RALA: variants seen among roughly 807,000 people sequenced by gnomAD.
RALA encodes RAS like proto-oncogene A, also known as ras-related protein Ral-A.
RALA carries 5 observed loss-of-function variants against 24.0 expected under a neutral mutation model. That is an observed-to-expected ratio of 0.21 (90% CI 0.11 to 0.44). The LOEUF (loss-of-function observed/expected upper bound fraction) is 0.44, where lower values mean the gene tolerates loss of function less well. Among genes scored for constraint, RALA ranks in the 20% least tolerant of loss-of-function variants. The pLI is 0.99. For missense variants in RALA, 95 were observed against 241.2 expected, an observed-to-expected ratio of 0.39 and a Z score of 4.01; for synonymous variants, 77 against 83.8, an observed-to-expected ratio of 0.92 and a Z score of 0.44.
chr7:39,652,170 A>G (rs1406683592), intron 1 of RALA, among the ~76,000 whole-genome samples: 1 of 152,176 alleles, frequency 6.6e-6, no homozygotes, highest in Non-Finnish European at 1.5e-5. Context: ...GAGAGGGTGA[A>G]AGGGCAAGGT....
chr7:39,654,100 T>G (rs1490577009), intron 1 of RALA, among the ~76,000 whole-genome samples: 1 of 152,212 alleles, frequency 6.6e-6, no homozygotes, highest in Admixed American at 6.5e-5. Flanking sequence ...GGGTTCTATT[T>G]GAACAACTTT....
intron 1 of RALA, among the ~76,000 whole-genome samples, chr7:39,684,083 T>C (rs986109359): frequency 6.6e-6 from 1 of 152,224 alleles, no homozygotes; most frequent in Non-Finnish European, 1.5e-5. Context: ...TTTCAGACTT[T>C]TAGTTACCTG....
chr7:39,672,608 T>G (rs957396259), intron 1 of RALA, among the ~76,000 whole-genome samples: 1 of 136,744 alleles, frequency 7.3e-6, no homozygotes, highest in African/African-American at 2.8e-5. Flanking sequence ...GGAAATAACA[T>G]AAATCATGAT....
At chr7:39,624,727 A>G (rs1200942010) in intron 1 of RALA, among the ~76,000 whole-genome samples, 1 of 152,186 alleles carries the variant, frequency 6.6e-6, no homozygotes, top group African/African-American at 2.4e-5. Flanking sequence ...CCTACGTGTC[A>G]AGCTGAAAAG....
At chr7:39,634,230 C>G (rs1172239586) in intron 1 of RALA, among the ~76,000 whole-genome samples, 1 of 152,100 alleles carries the variant, frequency 6.6e-6, no homozygotes, top group Non-Finnish European at 1.5e-5. Flanking sequence ...GGAGCCCTCA[C>G]TCACCTTGGT....
intron 1 of RALA, among the ~76,000 whole-genome samples, chr7:39,685,138 A>G (rs1792676005): frequency 6.6e-6 from 1 of 152,238 alleles, no homozygotes; most frequent in African/African-American, 2.4e-5. Flanking sequence ...TTATGAAGGA[A>G]AAGTATCAGA....
chr7:39,681,507 C>T (rs984038771), intron 1 of RALA, among the ~76,000 whole-genome samples: 2 of 151,716 alleles, frequency 1.3e-5, no homozygotes, highest in Non-Finnish European at 2.9e-5. Context: ...TGAAATGACT[C>T]TTCCCAAGAT....
At chr7:39,627,417 A>G (rs955386190) in intron 1 of RALA, among the ~76,000 whole-genome samples, 6 of 152,202 alleles carry the variant, frequency 3.9e-5, no homozygotes, top group African/African-American at 1.4e-4. Context: ...CTAGGGTCCT[A>G]TATTAGATGC....
chr7:39,661,400 C>T (rs1792188006), intron 1 of RALA, among the ~76,000 whole-genome samples: 1 of 152,234 alleles, frequency 6.6e-6, no homozygotes, highest in African/African-American at 2.4e-5. Flanking sequence ...CAAGGCAAGT[C>T]CCTTCAGCCT....
intron 1 of RALA, among the ~76,000 whole-genome samples, chr7:39,650,490 A>T (rs1792001865): frequency 6.6e-6 from 1 of 152,174 alleles, no homozygotes; most frequent in Non-Finnish European, 1.5e-5. Context: ...AGAAATAGGT[A>T]TCAAATCTAG....
At chr7:39,671,154 GTTC>G (rs1792376103) in intron 1 of RALA, among the ~76,000 whole-genome samples, 1 of 151,812 alleles carries the variant, frequency 6.6e-6, no homozygotes, top group African/African-American at 2.4e-5. Flanking sequence ...CCTTCCACCT[GTTC>G]TTCCTGCCTT....
At chr7:39,646,842 G>A (rs1386579671) in intron 1 of RALA, among the ~76,000 whole-genome samples, 1 of 152,052 alleles carries the variant, frequency 6.6e-6, no homozygotes, top group Non-Finnish European at 1.5e-5. Context: ...CCTTACCCAT[G>A]TACTGCTGTT....
intron 1 of RALA, among the ~76,000 whole-genome samples, chr7:39,637,624 C>T (rs1791706228): frequency 6.6e-6 from 1 of 152,234 alleles, no homozygotes; most frequent in Non-Finnish European, 1.5e-5. Flanking sequence ...AGTATTTATA[C>T]ACCAACTATG....
intron 1 of RALA, among the ~76,000 whole-genome samples, chr7:39,631,820 T>C (rs1214706709): frequency 1.3e-5 from 2 of 152,212 alleles, no homozygotes; most frequent in African/African-American, 4.8e-5. Context: ...TAGCCTCTTT[T>C]GCATTGCTAT....
At chr7:39,628,981 C>T (rs1458214230) in intron 1 of RALA, among the ~76,000 whole-genome samples, 2 of 152,192 alleles carry the variant, frequency 1.3e-5, no homozygotes, top group East Asian at 1.9e-4. Context: ...TAACTGCTAT[C>T]GTGTATGTAC....
intron 1 of RALA, among the ~76,000 whole-genome samples, chr7:39,639,016 A>C (rs190585717): frequency 1.0e-3 from 156 of 152,344 alleles, no homozygotes; most frequent in African/African-American, 3.7e-3. Context: ...CTTTCTCTGC[A>C]TGTTTATGGA....
intron 3 of RALA, among the ~76,000 whole-genome samples, chr7:39,692,791 A>G (rs748407696): frequency 6.6e-6 from 1 of 152,186 alleles, no homozygotes; most frequent in Non-Finnish European, 1.5e-5. Flanking sequence ...ATATACACAC[A>G]TATGACCAGA....
chr7:39,705,629 A>G (rs1042004513), intron 4 of RALA, among the ~76,000 whole-genome samples: 1 of 152,174 alleles, frequency 6.6e-6, no homozygotes. Context: ...AGTGTCTGGT[A>G]TCAAGATGAT....
intron 1 of RALA, among the ~76,000 whole-genome samples, chr7:39,683,915 T>C (rs1792650402): frequency 6.6e-6 from 1 of 152,050 alleles, no homozygotes; most frequent in Admixed American, 6.6e-5. Flanking sequence ...CCTGAGCTCA[T>C]GTGATATGTA....
Sources: allele counts gnomAD v4.1 joint callset (sites outside exome capture counted in the v4.1 genomes callset), GRCh38; gene constraint gnomAD v4.1.1; transcripts MANE v1.5; gene names NCBI Gene and HGNC (gene_info 2026-07-23, HGNC 2026-07-21).